The following DYM variants were observed in gnomAD, a reference collection of about 807,000 sequenced individuals.
The protein encoded by DYM is dyggve-Melchior-Clausen syndrome protein.
In DYM, 78 loss-of-function variants were observed where a neutral mutation model predicts 93.1. That is an observed-to-expected ratio of 0.84 (90% CI 0.70 to 1.01). The LOEUF is 1.01. Among genes scored for constraint, DYM ranks in the 50% least tolerant of loss-of-function variants. DYM has a pLI of 0.00. For missense variants in DYM, 789 were observed against 845.0 expected, an observed-to-expected ratio of 0.93 and a Z score of 0.82; for synonymous variants, 321 against 319.7, an observed-to-expected ratio of 1.00 and a Z score of -0.04.
intron 15 of DYM, chr18:49,126,581 GTACT>G (rs1471870417): frequency 1.3e-5 from 2 of 152,098 alleles, no homozygotes; most frequent in Non-Finnish European, 2.9e-5. Context: ...CCAAATTTCA[GTACT>G]TAAACAGACC....
intron 13 of DYM, among the ~76,000 whole-genome samples, chr18:49,214,997 G>T (rs1291616477): frequency 6.6e-6 from 1 of 152,094 alleles, no homozygotes; most frequent in Non-Finnish European, 1.5e-5. Flanking sequence ...TGTTCGCACT[G>T]CTCTTACTAT....
chr18:49,286,620 G>A lies in DYM; in HGVS notation c.764-4C>T. 1 of 1,613,512 alleles carries A rather than the reference G, an allele frequency of 6.2e-7. No individual in the cohort carries two copies. Among genetic ancestry groups the A allele is most frequent in the South Asian group, 1.1e-5 (1 of 91,032 alleles). On this transcript the variant is annotated splice_polypyrimidine_tract_variant and splice_region_variant and intron_variant, in intron 8 of 17. Transcript: ENST00000675505. ...GTGAAGACAGTCCAGAGTCCTGCTG[G>A]GGAGGAAAACACCCTGTTAGGATGT...
intron 11 of DYM, among the ~76,000 whole-genome samples, chr18:49,262,337 T>C (rs1021386386): frequency 1.3e-5 from 2 of 152,116 alleles, no homozygotes; most frequent in African/African-American, 4.8e-5. Context: ...CGCTGACACC[T>C]TGACTTTGGA....
At chr18:49,224,415 C>T (rs780343050) in intron 13 of DYM, among the ~76,000 whole-genome samples, 10 of 151,856 alleles carry the variant, frequency 6.6e-5, no homozygotes, top group Non-Finnish European at 1.2e-4. Flanking sequence ...CTACAATCAC[C>T]TAGGAAAAGA....
intron 17 of DYM, among the ~76,000 whole-genome samples, chr18:49,065,713 A>G (rs1357374846): frequency 1.3e-5 from 2 of 151,976 alleles, no homozygotes; most frequent in African/African-American, 4.8e-5. Flanking sequence ...TATATTATTC[A>G]CTGAAAAAAA....
intron 9 of DYM, among the ~76,000 whole-genome samples, chr18:49,282,439 C>T (rs141459258): frequency 2.6e-5 from 4 of 152,064 alleles, no homozygotes; most frequent in African/African-American, 9.7e-5. Flanking sequence ...ATGGTGAAAC[C>T]CCATCTCTAC....
intron 14 of DYM, chr18:49,205,788 A>G (rs1170929818): frequency 6.6e-6 from 1 of 152,486 alleles, no homozygotes; most frequent in East Asian, 1.9e-4. Context: ...TAGCCAATAT[A>G]CAAAAATTAT....
chr18:49,228,783 T>C (rs1482750144), intron 13 of DYM, among the ~76,000 whole-genome samples: 1 of 152,080 alleles, frequency 6.6e-6, no homozygotes. Flanking sequence ...AAAGAGATCA[T>C]GATGGGGGTT....
At position 49,313,462 on chromosome 18, in the gene DYM, C is replaced by CAAAAAAAAAAAAAAAAAA. The variant is rs60775305; in HGVS notation, c.763+18384_763+18401dup. Among the ~76,000 whole-genome samples, 3 of 28,550 alleles carry CAAAAAAAAAAAAAAAAAA rather than the reference C, an allele frequency of 1.1e-4. 1 individual carries two copies. The highest frequency in any genetic ancestry group is 1.3e-3 in the East Asian group (2 of 1,600). The allele number at this position is 28,550 out of a possible 152,430, so 18.7% of individuals were successfully genotyped here. ...TCGGCAACAGAGCAAGACTCTGTCA[C>CAAAAAAAAAAAAAAAAAA]AAAAAAAAAAAAAAAAAAAAAAAAA... On this transcript the variant is annotated intron_variant, in intron 8 of 17. Transcript: ENST00000675505.
chr18:49,421,388 G>A (rs562843969), intron 2 of DYM, among the ~76,000 whole-genome samples: 11 of 152,296 alleles, frequency 7.2e-5, no homozygotes, highest in Admixed American at 1.3e-4. Context: ...GGCAAACAGC[G>A]TCTGGAGTGG....
In DYM at chr18:49,434,346, C is replaced by CA. The variant is rs60975784; in HGVS notation, c.-53-3900dup. Among the ~76,000 whole-genome samples the CA allele has an allele frequency of 5.8e-3, 780 of 134,664 alleles. 16 individuals carry two copies. The highest frequency in any genetic ancestry group is 0.019 in the African/African-American group (678 of 36,348). The allele number at this position is 134,664 out of a possible 152,430, so 88.3% of individuals were successfully genotyped here. A position where few individuals can be genotyped will look rare whatever the true frequency, so the allele number is the denominator to read the frequency against. On this transcript the variant is annotated intron_variant, in intron 1 of 17. Transcript: ENST00000675505. ...TGGGCAACAGAGCAAGACTCCATCT[C>CA]AAAAAAAAAAAAAAAATACAAAAAT...
At chr18:49,338,655 CAATG>C (rs2063847620) in intron 6 of DYM, among the ~76,000 whole-genome samples, 1 of 152,136 alleles carries the variant, frequency 6.6e-6, no homozygotes, top group Admixed American at 6.5e-5. Context: ...CTCCACAAAT[CAATG>C]AAGAAAAACA....
At chr18:49,374,012 T>A (rs1460646090) in intron 5 of DYM, among the ~76,000 whole-genome samples, 1 of 152,206 alleles carries the variant, frequency 6.6e-6, no homozygotes, top group Non-Finnish European at 1.5e-5. Flanking sequence ...TTAAAAAATA[T>A]AGAAGGCTAA....
intron 16 of DYM, chr18:49,114,482 T>C (rs896164129): frequency 2.3e-6 from 2 of 882,644 alleles, no homozygotes; most frequent in Admixed American, 6.2e-5. Flanking sequence ...CTTTTACTTC[T>C]ATATGGTTCT....
chr18:49,075,237 C>T (rs2077208670), intron 17 of DYM, among the ~76,000 whole-genome samples: 1 of 152,202 alleles, frequency 6.6e-6, no homozygotes, highest in Non-Finnish European at 1.5e-5. Flanking sequence ...TCTCTTCCTT[C>T]TTGGTTTCTG....
At chr18:49,153,645 A>G (rs2086067836) in intron 15 of DYM, among the ~76,000 whole-genome samples, 1 of 152,242 alleles carries the variant, frequency 6.6e-6, no homozygotes, top group Admixed American at 6.5e-5. Context: ...AACACACAGA[A>G]TAAAACAAGG....
intron 10 of DYM, among the ~76,000 whole-genome samples, chr18:49,278,273 T>C (rs1375116844): frequency 6.6e-6 from 1 of 152,178 alleles, no homozygotes; most frequent in Non-Finnish European, 1.5e-5. Context: ...AAGTTTCAAA[T>C]GAGTACGATA....
intron 2 of DYM, among the ~76,000 whole-genome samples, chr18:49,399,010 T>C (rs1450558318): frequency 1.3e-5 from 2 of 152,222 alleles, no homozygotes; most frequent in East Asian, 3.8e-4. Context: ...GAGTTTCAAT[T>C]ATACACATAT....
At chr18:49,391,017 C>T in intron 3 of DYM, among the ~76,000 whole-genome samples, 1 of 152,166 alleles carries the variant, frequency 6.6e-6, no homozygotes, top group East Asian at 1.9e-4. Context: ...GTAACATTTG[C>T]TGACATAAAT....
Sources: gnomAD v4.1 joint callset for allele counts (sites outside exome capture counted in the v4.1 genomes callset) on GRCh38, gnomAD v4.1.1 for gene constraint, MANE v1.5 for transcripts, NCBI Gene and HGNC (gene_info 2026-07-23, HGNC 2026-07-21) for gene names.